ZBTB7C: variants seen among roughly 807,000 people sequenced by gnomAD.
ZBTB7C encodes zinc finger and BTB domain containing 7C, also known as zinc finger and BTB domain-containing protein 7C.
A neutral mutation model predicts 25.7 loss-of-function variants in ZBTB7C; 8 were observed. That is an observed-to-expected ratio of 0.31 (90% CI 0.18 to 0.56). The LOEUF is 0.56. Ranked by LOEUF, ZBTB7C falls within the 20% of genes least tolerant of loss-of-function variation. The pLI is 0.91. For synonymous variants in ZBTB7C, 394 were observed against 369.0 expected (o/e 1.07, Z -0.78); for missense variants, 824 against 855.2 (o/e 0.96, Z 0.46).
intron 1 of ZBTB7C, among the ~76,000 whole-genome samples, chr18:48,348,510 T>C (rs937410349): frequency 6.6e-6 from 1 of 152,188 alleles, no homozygotes; most frequent in African/African-American, 2.4e-5. Context: ...GATCCTGCTA[T>C]CTCACAAATA....
chr18:48,275,712 A>G (rs552580842), intron 2 of ZBTB7C, among the ~76,000 whole-genome samples: 5 of 152,242 alleles, frequency 3.3e-5, no homozygotes, highest in Admixed American at 6.5e-5. Flanking sequence ...ACTGCTTCGC[A>G]TCATCTTCCA....
chr18:48,187,136 C>T (rs1364388414), intron 2 of ZBTB7C, among the ~76,000 whole-genome samples: 1 of 152,170 alleles, frequency 6.6e-6, no homozygotes, highest in Non-Finnish European at 1.5e-5. Context: ...TGGCAATCTG[C>T]TCCTTGTGGA....
intron 3 of ZBTB7C, among the ~76,000 whole-genome samples, chr18:48,050,394 C>T (rs1019712912): frequency 5.9e-5 from 9 of 152,174 alleles, no homozygotes; most frequent in African/African-American, 1.9e-4. Context: ...GTGCCCTGCC[C>T]GCCACGAGCA....
chr18:48,171,097 A>C (rs932290484), intron 3 of ZBTB7C, among the ~76,000 whole-genome samples: 1 of 152,228 alleles, frequency 6.6e-6, no homozygotes, highest in African/African-American at 2.4e-5. Flanking sequence ...CTGGACTCAG[A>C]GACTCCCTTG....
intron 3 of ZBTB7C, among the ~76,000 whole-genome samples, chr18:48,100,878 G>C (rs2038805247): frequency 6.8e-6 from 1 of 147,326 alleles, no homozygotes; most frequent in Non-Finnish European, 1.5e-5. Context: ...CTAAGAGGGA[G>C]GAGGGCCCTG....
chr18:48,140,836 C>T (rs935234065), intron 3 of ZBTB7C, among the ~76,000 whole-genome samples: 1 of 152,138 alleles, frequency 6.6e-6, no homozygotes, highest in African/African-American at 2.4e-5. Flanking sequence ...GCAAGTCTGT[C>T]TCCAAAATAG....
intron 2 of ZBTB7C, among the ~76,000 whole-genome samples, chr18:48,284,104 A>G (rs2044956338): frequency 6.6e-6 from 1 of 151,940 alleles, no homozygotes; most frequent in Admixed American, 6.6e-5. Context: ...CCGAGATTGC[A>G]CCACTGCACT....
At chr18:48,178,691 G>T (rs981626794) in intron 3 of ZBTB7C, among the ~76,000 whole-genome samples, 2 of 152,212 alleles carry the variant, frequency 1.3e-5, no homozygotes, top group South Asian at 2.1e-4. Flanking sequence ...GTCAGAGCGG[G>T]TCTGGCAACT....
chr18:48,234,639 T>C (rs1415594849), intron 2 of ZBTB7C, among the ~76,000 whole-genome samples: 1 of 152,124 alleles, frequency 6.6e-6, no homozygotes, highest in Non-Finnish European at 1.5e-5. Context: ...CTAAGTTGGT[T>C]TTGGGAATTG....
intron 1 of ZBTB7C, among the ~76,000 whole-genome samples, chr18:48,382,008 G>C (rs1447263882): frequency 6.6e-6 from 1 of 152,220 alleles, no homozygotes; most frequent in Admixed American, 6.5e-5. Flanking sequence ...TACGGAAAAG[G>C]CTTGTTATCC....
intron 3 of ZBTB7C, among the ~76,000 whole-genome samples, chr18:48,176,545 T>C (rs2041682792): frequency 6.6e-6 from 1 of 152,194 alleles, no homozygotes; most frequent in Non-Finnish European, 1.5e-5. Context: ...TCAGAGAATA[T>C]ACCTATCCTT....
chr18:48,366,462 T>C (rs2047223037), intron 1 of ZBTB7C, among the ~76,000 whole-genome samples: 2 of 152,190 alleles, frequency 1.3e-5, no homozygotes, highest in African/African-American at 2.4e-5. Flanking sequence ...TTTTAAAATA[T>C]ACAACACTAG....
chr18:48,133,536 T>G (rs1031666418), intron 3 of ZBTB7C, among the ~76,000 whole-genome samples: 2 of 152,048 alleles, frequency 1.3e-5, no homozygotes, highest in African/African-American at 4.8e-5. Context: ...TATTCAAATT[T>G]ATTAAGCAAT....
intron 3 of ZBTB7C, among the ~76,000 whole-genome samples, chr18:48,141,029 C>T (rs939089296): frequency 1.8e-4 from 28 of 152,156 alleles, no homozygotes; most frequent in African/African-American, 6.3e-4. Context: ...GGCATCTGGT[C>T]CTGTCATAGG....
chr18:48,123,303 G>A (rs961043733), intron 3 of ZBTB7C, among the ~76,000 whole-genome samples: 2 of 152,246 alleles, frequency 1.3e-5, no homozygotes, highest in East Asian at 1.9e-4. Context: ...GCACAGAGAT[G>A]AGCCACCCAG....
At chr18:48,088,034 C>A (rs550542781) in intron 3 of ZBTB7C, among the ~76,000 whole-genome samples, 1 of 152,132 alleles carries the variant, frequency 6.6e-6, no homozygotes, top group Non-Finnish European at 1.5e-5. Context: ...CACACTAACA[C>A]CCCTGTAACC....
intron 3 of ZBTB7C, among the ~76,000 whole-genome samples, chr18:48,178,727 G>T (rs1400508614): frequency 6.6e-6 from 1 of 152,212 alleles, no homozygotes; most frequent in Non-Finnish European, 1.5e-5. Flanking sequence ...CTACTTGAAA[G>T]TAAAGACGAA....
intron 2 of ZBTB7C, among the ~76,000 whole-genome samples, chr18:48,278,542 T>A (rs1192068230): frequency 3.3e-5 from 5 of 151,992 alleles, no homozygotes; most frequent in African/African-American, 4.8e-5. Context: ...TTCAAATAAT[T>A]CTCCAGCCTC....
intron 3 of ZBTB7C, among the ~76,000 whole-genome samples, chr18:48,118,457 CT>C (rs2039520841): frequency 6.6e-6 from 1 of 152,044 alleles, no homozygotes; most frequent in Admixed American, 6.6e-5. Context: ...AATATATTAA[CT>C]TTTTGGCCAT....
Sources: allele counts gnomAD v4.1 joint callset (sites outside exome capture counted in the v4.1 genomes callset), GRCh38; gene constraint gnomAD v4.1.1; transcripts MANE v1.5; gene names NCBI Gene and HGNC (gene_info 2026-07-23, HGNC 2026-07-21).